Variants in PTPRD observed in about 807,000 individuals in gnomAD.
The protein encoded by PTPRD is receptor-type tyrosine-protein phosphatase delta.
PTPRD carries 34 observed loss-of-function variants against 214.5 expected under a neutral mutation model. The ratio of observed to expected loss-of-function variants is 0.16; its 90% confidence interval spans 0.12 to 0.21. The LOEUF (loss-of-function observed/expected upper bound fraction) is 0.21, where lower values mean the gene tolerates loss of function less well. PTPRD is among the 10% of genes least tolerant of loss of function. PTPRD has a pLI of 1.00. For missense variants in PTPRD, 2,545 were observed against 2,398.7 expected, an observed-to-expected ratio of 1.06 and a Z score of -1.27; for synonymous variants, 1,128 against 845.7, an observed-to-expected ratio of 1.33 and a Z score of -5.79.
At chr9:8,772,901 G>A (rs2095296772) in intron 11 of PTPRD, among the ~76,000 whole-genome samples, 1 of 151,944 alleles carries the variant, frequency 6.6e-6, no homozygotes, top group South Asian at 2.1e-4. Flanking sequence ...TAAGATTCTT[G>A]GAAACATTTT....
intron 3 of PTPRD, among the ~76,000 whole-genome samples, chr9:10,150,658 TA>T (rs376291904): frequency 5.1e-4 from 57 of 111,486 alleles, no homozygotes; most frequent in African/African-American, 1.3e-3. Flanking sequence ...TAAAGTAAAA[TA>T]AAAAAAAAAC....
intron 9 of PTPRD, among the ~76,000 whole-genome samples, chr9:9,257,865 T>C (rs1311569521): frequency 6.6e-6 from 1 of 151,940 alleles, no homozygotes; most frequent in African/African-American, 2.4e-5. Context: ...CAAGTGGTCT[T>C]AAAAAATTTT....
chr9:9,001,617 G>T (rs1215266112), intron 11 of PTPRD, among the ~76,000 whole-genome samples: 1 of 152,072 alleles, frequency 6.6e-6, no homozygotes, highest in East Asian at 1.9e-4. Context: ...GGGCTCAGAG[G>T]TTCTTCATTT....
chr9:10,089,502 A>G (rs1200699171), intron 3 of PTPRD, among the ~76,000 whole-genome samples: 1 of 151,620 alleles, frequency 6.6e-6, no homozygotes, highest in African/African-American at 2.4e-5. Context: ...GAGTGGGATT[A>G]GCAACAGGAA....
intron 5 of PTPRD, among the ~76,000 whole-genome samples, chr9:9,853,344 T>C (rs1056271375): frequency 1.3e-5 from 2 of 152,178 alleles, no homozygotes; most frequent in Non-Finnish European, 2.9e-5. Flanking sequence ...CATAAAACAT[T>C]CTTCTTGGTT....
chr9:10,350,323 T>C (rs1001242293), intron 2 of PTPRD, among the ~76,000 whole-genome samples: 7 of 152,174 alleles, frequency 4.6e-5, no homozygotes, highest in African/African-American at 1.4e-4. Flanking sequence ...ATCTTGTAAA[T>C]AGTCATTCTA....
At chr9:10,275,312 G>C (rs2094617585) in intron 3 of PTPRD, among the ~76,000 whole-genome samples, 1 of 152,080 alleles carries the variant, frequency 6.6e-6, no homozygotes, top group Non-Finnish European at 1.5e-5. Flanking sequence ...ATATGGGGTA[G>C]AGAGGTCCAG....
chr9:10,478,289 A>T (rs536026910), intron 2 of PTPRD, among the ~76,000 whole-genome samples: 32 of 152,344 alleles, frequency 2.1e-4, no homozygotes, highest in African/African-American at 6.5e-4. Context: ...TTTTTCACTT[A>T]CATATTACCC....
chr9:9,493,093 G>A (rs1437130039), intron 8 of PTPRD, among the ~76,000 whole-genome samples: 1 of 151,084 alleles, frequency 6.6e-6, no homozygotes, highest in Non-Finnish European at 1.5e-5. Flanking sequence ...ACCCTAAAAG[G>A]CCTCTAAGTG....
At chr9:8,826,917 G>A (rs982293474) in intron 11 of PTPRD, among the ~76,000 whole-genome samples, 2 of 152,200 alleles carry the variant, frequency 1.3e-5, no homozygotes, top group East Asian at 1.9e-4. Context: ...GATACCCAAT[G>A]AGCACGATTC....
At chr9:10,373,720 T>A (rs2097675260) in intron 2 of PTPRD, among the ~76,000 whole-genome samples, 1 of 152,142 alleles carries the variant, frequency 6.6e-6, no homozygotes, top group South Asian at 2.1e-4. Flanking sequence ...CTTACCTTTC[T>A]TGAGACATAC....
chr9:9,828,184 G>A (rs917612624), intron 5 of PTPRD, among the ~76,000 whole-genome samples: 4 of 152,040 alleles, frequency 2.6e-5, no homozygotes, highest in Non-Finnish European at 5.9e-5. Flanking sequence ...AAATCATGCT[G>A]CTATAAAGAC....
At chr9:10,169,873 G>C (rs565892508) in intron 3 of PTPRD, among the ~76,000 whole-genome samples, 1 of 152,134 alleles carries the variant, frequency 6.6e-6, no homozygotes, top group Non-Finnish European at 1.5e-5. Context: ...TCAATAGAAG[G>C]TGATTCCAAG....
At chr9:8,624,570 G>A (rs1197604061) in intron 14 of PTPRD, among the ~76,000 whole-genome samples, 2 of 151,780 alleles carry the variant, frequency 1.3e-5, no homozygotes, top group African/African-American at 4.8e-5. Flanking sequence ...GGAGAAGGAA[G>A]GAAATTAACA....
Position 9,875,995 on chromosome 9 carries a change from T to C in PTPRD, c.-368+62512A>G, listed in dbSNP as rs773591689. Among the ~76,000 whole-genome samples, 34 of 152,172 alleles carry C rather than the reference T, an allele frequency of 2.2e-4. No individual in the cohort carries two copies. The South Asian group carries it at 6.6e-3, about 30-fold the overall frequency. ...CTGGAGATCCTGACTTTGTTTTGCC[T>C]GGTGAGTTTGCAGGTGCTTAATTCA... On this transcript the variant is annotated intron_variant, in intron 5 of 45. Coordinates refer to ENST00000381196, the MANE Select transcript of PTPRD (RefSeq NM_002839.4).
chr9:9,598,135 C>G (rs2093494192), intron 7 of PTPRD, among the ~76,000 whole-genome samples: 1 of 151,920 alleles, frequency 6.6e-6, no homozygotes, highest in Non-Finnish European at 1.5e-5. Context: ...AACCAAGAGA[C>G]TCACGACTAG....
At chr9:8,476,121 C>A (rs1310635037) in intron 30 of PTPRD, among the ~76,000 whole-genome samples, 1 of 152,102 alleles carries the variant, frequency 6.6e-6, no homozygotes, top group Admixed American at 6.5e-5. Flanking sequence ...TGGTTCCGAG[C>A]CTTTTTGGCA....
intron 7 of PTPRD, among the ~76,000 whole-genome samples, chr9:9,589,894 A>T (rs375300024): frequency 4.0e-5 from 6 of 151,854 alleles, no homozygotes; most frequent in African/African-American, 1.2e-4. Flanking sequence ...CTTGTGGGAG[A>T]AGATGCTGGG....
At chr9:8,323,539 C>G (rs1004452196) in intron 44 of PTPRD, among the ~76,000 whole-genome samples, 1 of 152,072 alleles carries the variant, frequency 6.6e-6, no homozygotes, top group Non-Finnish European at 1.5e-5. Flanking sequence ...GAAGTTGATT[C>G]CAATCTTCAT....
Sources: gnomAD v4.1 joint callset for allele counts (sites outside exome capture counted in the v4.1 genomes callset) on GRCh38, gnomAD v4.1.1 for gene constraint, MANE v1.5 for transcripts, NCBI Gene and HGNC (gene_info 2026-07-23, HGNC 2026-07-21) for gene names.